Variants in THSD4 observed in about 807,000 individuals in gnomAD.
THSD4 encodes thrombospondin type 1 domain containing 4.
In THSD4, 69 loss-of-function variants were observed where a neutral mutation model predicts 119.0. That is an observed-to-expected ratio of 0.58 (90% confidence interval 0.48 to 0.71). The LOEUF is 0.71. THSD4 is among the 30% of genes least tolerant of loss of function. THSD4 has a pLI of 0.00. For synonymous variants in THSD4, 524 were observed against 540.4 expected, an observed-to-expected ratio of 0.97 and a Z score of 0.42; for missense variants, 1,393 against 1,391.1, an observed-to-expected ratio of 1.00 and a Z score of -0.02.
At chr15:71,698,841 C>T (rs1028827309) in intron 8 of THSD4, among the ~76,000 whole-genome samples, 3 of 151,496 alleles carry the variant, frequency 2.0e-5, no homozygotes, top group African/African-American at 7.3e-5. Context: ...TTACATGATA[C>T]CACTTATATG....
At chr15:71,599,333 T>A (rs149128664) in intron 7 of THSD4, among the ~76,000 whole-genome samples, 1 of 152,052 alleles carries the variant, frequency 6.6e-6, no homozygotes, top group Non-Finnish European at 1.5e-5. Context: ...CTGCGGAGAG[T>A]CCAAGTCCTC....
intron 5 of THSD4, among the ~76,000 whole-genome samples, chr15:71,244,693 A>G (rs1030778045): frequency 2.0e-5 from 3 of 152,228 alleles, no homozygotes; most frequent in Admixed American, 6.5e-5. Context: ...CATTGCTTTG[A>G]GGATCAAATG....
chr15:71,339,795 TACTC>T (rs888419313), intron 6 of THSD4, among the ~76,000 whole-genome samples: 45 of 152,112 alleles, frequency 3.0e-4, no homozygotes, highest in African/African-American at 1.1e-3. Flanking sequence ...GATGGAGTCT[TACTC>T]TGTCACCCAG....
chr15:71,416,731 G>A (rs10083577), intron 7 of THSD4, among the ~76,000 whole-genome samples: 1,692 of 51,826 alleles, frequency 0.033, 337 homozygotes, highest in African/African-American at 0.079. Flanking sequence ...GTTTTGTTTT[G>A]TTTTGTTTTG....
chr15:71,168,675 C>T (rs144635395), intron 3 of THSD4, among the ~76,000 whole-genome samples: 65 of 152,240 alleles, frequency 4.3e-4, no homozygotes, highest in Non-Finnish European at 7.8e-4. Flanking sequence ...CAGAGGACCT[C>T]GTGATGGGTT....
At chr15:71,368,144 T>C (rs1197311714) in intron 6 of THSD4, among the ~76,000 whole-genome samples, 1 of 152,224 alleles carries the variant, frequency 6.6e-6, no homozygotes, top group Non-Finnish European at 1.5e-5. Context: ...TGTTTTTTTC[T>C]TGTAAATTTG....
chr15:71,720,609 C>G (rs1334896548), intron 8 of THSD4, among the ~76,000 whole-genome samples: 2 of 152,142 alleles, frequency 1.3e-5, no homozygotes, highest in South Asian at 4.1e-4. Flanking sequence ...TTCACAGAAC[C>G]CACCAAGGCA....
Position 71,242,786 on chromosome 15 carries a change from C to G in THSD4, c.602C>G (p.Ser201Cys). 1 of 1,614,218 alleles carries G rather than the reference C, an allele frequency of 6.2e-7. No homozygotes were observed. The highest frequency in any genetic ancestry group is 1.1e-5 in the South Asian group (1 of 91,080). Residue 201 changes from serine to cysteine, a missense_variant, in exon 5 of 18, where the codon TCC becomes TGC. By Grantham distance (112) the Ser-to-Cys change is moderately radical. Coordinates refer to ENST00000261862, the MANE Select transcript of THSD4 (RefSeq NM_024817.3). ...AAGCTCTCATCCCGCCATTCCAGGT[C>G]CCAGGGAGCATCTTCTGCTAGGCAT... ...RQKLSSRHSR[S>C]QGASSARHGY...
chr15:71,712,464 G>T (rs2052536116), intron 8 of THSD4, among the ~76,000 whole-genome samples: 1 of 152,056 alleles, frequency 6.6e-6, no homozygotes, highest in Non-Finnish European at 1.5e-5. Flanking sequence ...TGAGAAACTA[G>T]GAAAAGAAGA....
At chr15:71,480,817 A>C (rs1250579506) in intron 7 of THSD4, among the ~76,000 whole-genome samples, 1 of 152,206 alleles carries the variant, frequency 6.6e-6, no homozygotes, top group Non-Finnish European at 1.5e-5. Context: ...TGGACCTGTG[A>C]AGAGGAGCGC....
At chr15:71,107,016 C>A (rs2040276890) in intron 1 of THSD4, among the ~76,000 whole-genome samples, 2 of 152,186 alleles carry the variant, frequency 1.3e-5, no homozygotes, top group Admixed American at 1.3e-4. Context: ...CAACCATGCC[C>A]TCTAAAATCA....
rs1346667415 is a variant in THSD4, at chr15:71,215,074, G to T, written c.139G>T (p.Asp47Tyr). ...GGCGGCGGAGGGCGCCCCCGAGGAC[G>T]ACGGCGGCGGCGGCGCCCCGGGAGT... The part of the protein sequence containing the change: ...RMAAEGAPED[D>Y]GGGGAPGVWG... The change falls in exon 4 of 18, where the codon GAC becomes TAC. Residue 47 changes from aspartate (D) to tyrosine (Y), a missense_variant. Coordinates refer to ENST00000261862, the MANE Select transcript of THSD4 (RefSeq NM_024817.3). The T allele has an allele frequency of 2.2e-5, 28 of 1,301,128 alleles. No homozygotes were observed. The highest frequency in any genetic ancestry group is 3.2e-5 in the East Asian group (1 of 31,738). 80.6% of individuals were successfully genotyped at this position (1,301,128 alleles called of 1,614,324 possible).
intron 8 of THSD4, among the ~76,000 whole-genome samples, chr15:71,671,645 T>G (rs927645803): frequency 2.6e-5 from 4 of 152,230 alleles, no homozygotes; most frequent in East Asian, 1.9e-4. Context: ...GAATCCATCT[T>G]GAATTAATTT....
chr15:71,378,238 C>T (rs1467506692), intron 6 of THSD4, among the ~76,000 whole-genome samples: 1 of 152,020 alleles, frequency 6.6e-6, no homozygotes, highest in East Asian at 1.9e-4. Context: ...CTAATAATAT[C>T]AATACATCAT....
rs1018729186 is a variant in THSD4, at chr15:71,589,734, C to G, written c.1153-70796C>G. On this transcript the variant is annotated intron_variant, in intron 7 of 17. Transcript: ENST00000261862. Reference sequence around the variant, plus strand: ...CCAGAAAATCCCTTGTACATGTGTGCACAGAGACGAGTACAATAATGTTGC... The same window carrying G: ...CCAGAAAATCCCTTGTACATGTGTGGACAGAGACGAGTACAATAATGTTGC... Among the ~76,000 whole-genome samples the G allele has an allele frequency of 2.2e-5, 3 of 139,192 alleles. 1 individual carries two copies. Among genetic ancestry groups the G allele is most frequent in the Non-Finnish European group, 1.6e-5 (1 of 61,200 alleles). 91.3% of individuals were successfully genotyped at this position (139,192 alleles called of 152,430 possible).
chr15:71,287,336 G>T (rs1419009248), intron 6 of THSD4, among the ~76,000 whole-genome samples: 1 of 152,084 alleles, frequency 6.6e-6, no homozygotes, highest in African/African-American at 2.4e-5. Flanking sequence ...AATTGTACGT[G>T]TCCAAGAAAA....
At chr15:71,131,885 C>T (rs1010379228) in intron 1 of THSD4, among the ~76,000 whole-genome samples, 2 of 152,164 alleles carry the variant, frequency 1.3e-5, no homozygotes, top group Non-Finnish European at 2.9e-5. Context: ...GAATTCCACC[C>T]GGACGATGGT....
chr15:71,607,559 A>G (rs550613344), intron 7 of THSD4, among the ~76,000 whole-genome samples: 133 of 152,296 alleles, frequency 8.7e-4, no homozygotes, highest in Non-Finnish European at 1.8e-3. Flanking sequence ...CATGATAAGG[A>G]TTATAATTGG....
chr15:71,534,424 A>G (rs974187071), intron 7 of THSD4, among the ~76,000 whole-genome samples: 18 of 152,184 alleles, frequency 1.2e-4, no homozygotes, highest in Admixed American at 5.9e-4. Flanking sequence ...TATTAATGTT[A>G]AATTGGTTTT....
Sources: gnomAD v4.1 joint callset for allele counts (sites outside exome capture counted in the v4.1 genomes callset) on GRCh38, gnomAD v4.1.1 for gene constraint, MANE v1.5 for transcripts, NCBI Gene and HGNC (gene_info 2026-07-23, HGNC 2026-07-21) for gene names.